The following LYRM2 variants were observed in gnomAD, a reference collection of about 807,000 sequenced individuals.
The protein encoded by LYRM2 is LYR motif containing 2, also known as LYR motif-containing protein 2.
LYRM2 carries 8 observed loss-of-function variants against 11.6 expected under a neutral mutation model. That is an observed-to-expected ratio of 0.69 (90% CI 0.40 to 1.24). The LOEUF (loss-of-function observed/expected upper bound fraction) is 1.24. Among genes scored for constraint, LYRM2 ranks in the 50% most tolerant of loss-of-function variants. The pLI, the probability that LYRM2 is intolerant of heterozygous loss-of-function variation, is 0.01. For missense variants in LYRM2, 117 were observed against 102.9 expected (o/e 1.14, Z -0.59); for synonymous variants, 30 against 36.4 (o/e 0.83, Z 0.63).
chr6:89,637,009 A>G lies in LYRM2; in HGVS notation c.*264T>C, dbSNP rs1401285781. 3.2e-6 allele frequency: 1 copy of G among 308,000 alleles called. No individual in the cohort carries two copies. Among genetic ancestry groups the G allele is most frequent in the African/African-American group, 2.2e-5 (1 of 45,708 alleles). The allele number at this position is 308,000 out of a possible 1,614,324, so 19.1% of individuals were successfully genotyped here. A position where few individuals can be genotyped will look rare whatever the true frequency, so the allele number is the denominator to read the frequency against. ...TAGTAGTTTTGATTTACACTTCCCT[A>G]ATGATTGTGTCCAGCATCTACTGGC... On this transcript the variant is annotated 3_prime_UTR_variant, in exon 3 of 3. Coordinates refer to ENST00000523377, the MANE Select transcript of LYRM2 (RefSeq NM_020466.5).
intron 2 of LYRM2, 49 bp from the exon 3 acceptor site, chr6:89,637,402 G>A (rs761369181): frequency 3.8e-5 from 45 of 1,187,688 alleles, no homozygotes; most frequent in Admixed American, 1.1e-4. Flanking sequence ...GTTAAACAAG[G>A]TATAGCTATA....
intron 1 of LYRM2, 124 bp downstream of exon 1, chr6:89,638,548 C>A: frequency 6.3e-7 from 1 of 1,585,838 alleles, no homozygotes; most frequent in South Asian, 1.1e-5. Flanking sequence ...GGCATCGGGC[C>A]AATCTCAGAG....
Position 89,637,052 on chromosome 6 carries a change from TTTC to T in LYRM2, c.*218_*220del, listed in dbSNP as rs200629875. ...CTACTGGCCATTTGTTAGTGGTTTT[TTTC>T]TTCTTTTAAGAACTGCTGAGACATC... On this transcript the variant is annotated 3_prime_UTR_variant, in exon 3 of 3. Transcript: ENST00000523377. 13,235 of 414,258 alleles carry T rather than the reference TTTC, an allele frequency of 0.032. 292 individuals are homozygous for T. Among genetic ancestry groups the T allele is most frequent in the Middle Eastern group, 0.065 (101 of 1,550 alleles). The allele number at this position is 414,258 out of a possible 1,614,324, so 25.7% of individuals were successfully genotyped here.
chr6:89,638,529 C>T, intron 1 of LYRM2, 143 bp downstream of exon 1: 5 of 1,557,850 alleles, frequency 3.2e-6, no homozygotes, highest in Non-Finnish European at 4.4e-6. Context: ...AGCGAAGCAC[C>T]GCCCCGCAGG....
rs1325448744 is a variant in LYRM2 at position 89,635,482 on chromosome 6, G to A, written c.*1791C>T. On this transcript the variant is annotated 3_prime_UTR_variant, in exon 3 of 3. Coordinates refer to ENST00000523377, the MANE Select transcript of LYRM2 (RefSeq NM_020466.5). The stretch of plus-strand genomic sequence containing the variant: ...GGCTCTGAGGCTCTGGGAGGTAGAG[G>A]TGGACCCTGACAGTCCAGGTCATTA... The A allele has an allele frequency of 6.6e-6, 1 of 152,310 alleles. No individual in the cohort carries two copies. Among genetic ancestry groups the A allele is most frequent in the Non-Finnish European group, 1.5e-5 (1 of 68,060 alleles). The allele number at this position is 152,310 out of a possible 1,614,324, so 9.4% of individuals were successfully genotyped here. A position where few individuals can be genotyped will look rare whatever the true frequency, so the allele number is the denominator to read the frequency against.
intron 1 of LYRM2, chr6:89,638,317 G>A (rs1434111347): frequency 8.4e-7 from 1 of 1,185,096 alleles, no homozygotes; most frequent in African/African-American, 1.6e-5. Context: ...TTATTACAAC[G>A]ACAGCACTTT....
At position 89,637,861 on chromosome 6, in the gene LYRM2, G is replaced by C; in HGVS notation, c.67C>G (p.Leu23Val). 6.2e-7 allele frequency: 1 copy of C among 1,613,960 alleles called. No homozygotes were observed. The highest frequency in any genetic ancestry group is 8.5e-7 in the Non-Finnish European group (1 of 1,179,908). Residue 23 changes from leucine to valine, a missense_variant, in exon 2 of 3, where the codon CTT becomes GTT. Transcript: ENST00000523377. ...TGCAAAATCCTTCTGTAGAGGAGAA[G>C]AACTTGTTGCCTTCTTACGAACTGT... ...LKQFVRRQQV[L>V]LLYRRILQTI... is the part of the protein sequence containing the mutation.
rs1245959387 is a variant in LYRM2 at position 89,637,528 on chromosome 6, G to A, written c.187-175C>T. On this transcript the variant is annotated intron_variant, in intron 2 of 2. Coordinates refer to ENST00000523377, the MANE Select transcript of LYRM2 (RefSeq NM_020466.5). ...AAAATGTACAACATAAAAGTCAAGT[G>A]ATGATGCTGAAGAGTGTAGATACTC... Among the ~76,000 whole-genome samples, 4 of 152,132 alleles carry A rather than the reference G, an allele frequency of 2.6e-5. No individual in the cohort carries two copies. In the South Asian group the frequency reaches 6.2e-4, roughly 24 times the overall value.
Position 89,633,356 on chromosome 6 carries a change from A to AACTT in LYRM2, c.*3913_*3916dup, listed in dbSNP as rs1807774687. 6.6e-6 allele frequency: 1 copy of AACTT among 152,204 alleles called. No individual in the cohort carries two copies. Among genetic ancestry groups the AACTT allele is most frequent in the African/African-American group, 2.4e-5 (1 of 41,446 alleles). The allele number at this position is 152,204 out of a possible 1,614,324, so 9.4% of individuals were successfully genotyped here. On this transcript the variant is annotated 3_prime_UTR_variant, in exon 3 of 3. Coordinates refer to ENST00000523377, the MANE Select transcript of LYRM2 (RefSeq NM_020466.5). ...GTTTTTGATCCTTGGCATTGTCAAA[A>AACTT]ACTTAACTGCAGGTCCAGTGTATAT...
Position 89,634,294 on chromosome 6 carries a change from T to C in LYRM2, c.*2979A>G, listed in dbSNP as rs557682234. On this transcript the variant is annotated 3_prime_UTR_variant, in exon 3 of 3. Transcript: ENST00000523377. ...AACATACATTTCTTATTTGTAATTT[T>C]ATTTAAGGAGAAATACTCTTTCCCT... is the stretch of plus-strand genomic sequence containing the variant. 5.3e-5 allele frequency: 8 copies of C among 152,342 alleles called. No individual in the cohort carries two copies. The highest frequency in any genetic ancestry group is 1.7e-4 in the African/African-American group (7 of 41,586). 9.4% of individuals were successfully genotyped at this position (152,342 alleles called of 1,614,324 possible).
intron 2 of LYRM2, 94 bp from the exon 3 acceptor site, chr6:89,637,447 C>G (rs1387614513): frequency 1.3e-6 from 1 of 773,514 alleles, no homozygotes; most frequent in African/African-American, 1.8e-5. Context: ...ACCAATACTA[C>G]CTATTGGAAC....
rs767494681 is a variant in LYRM2 at position 89,638,705 on chromosome 6, G to A, written c.12C>T (p.Ser4=). 8.7e-6 allele frequency: 14 copies of A among 1,614,106 alleles called. No individual in the cohort carries two copies. The South Asian group carries it at 1.1e-4, about 13-fold the overall frequency. Residue 4 remains serine (S), a synonymous_variant, in exon 1 of 3, where the codon TCC becomes TCT. Transcript: ENST00000523377. MAA[S]RLPPATLTLK... is the part of the protein sequence containing the mutation. ...ACGTTAGCGTCGCTGGGGGTAAGCGGGAAGCAGCCATGTCCACCAGAGGTC... is the reference window on the plus strand; with the variant it reads ...ACGTTAGCGTCGCTGGGGGTAAGCGAGAAGCAGCCATGTCCACCAGAGGTC...
chr6:89,638,630 G>C (rs1340631214), intron 1 of LYRM2, 42 bp downstream of exon 1: 4 of 1,613,272 alleles, frequency 2.5e-6, no homozygotes, highest in Non-Finnish European at 3.4e-6. Flanking sequence ...ATCCAGCTCA[G>C]ACCCAGGTAA....
rs558995957 is a variant in LYRM2, at chr6:89,638,709, G to A, written c.8C>T (p.Ala3Val). MA[A>V]SRLPPATLTL... ...TAGCGTCGCTGGGGGTAAGCGGGAA[G>A]CAGCCATGTCCACCAGAGGTCCGCC... Residue 3 changes from alanine (A) to valine (V), a missense_variant, in exon 1 of 3, where the codon GCT becomes GTT. Transcript: ENST00000523377. 2 of 1,614,076 alleles carry A rather than the reference G, an allele frequency of 1.2e-6. No individual in the cohort carries two copies. Among genetic ancestry groups the A allele is most frequent in the South Asian group, 1.1e-5 (1 of 91,086 alleles).
chr6:89,637,987 A>G lies in LYRM2; in HGVS notation c.46-105T>C, dbSNP rs755622318. Reference sequence around the variant, plus strand: ...TAACCAGAGTACTTCTCGTTGGTCAATTTTGAAAAAGGCAAAGAAAAACTT... The same window carrying G: ...TAACCAGAGTACTTCTCGTTGGTCAGTTTTGAAAAAGGCAAAGAAAAACTT... On this transcript the variant is annotated intron_variant, in intron 1 of 2. Coordinates refer to ENST00000523377, the MANE Select transcript of LYRM2 (RefSeq NM_020466.5). 133 of 1,228,166 alleles carry G rather than the reference A, an allele frequency of 1.1e-4. No homozygotes were observed. The Middle Eastern group carries it at 1.4e-3, about 13-fold the overall frequency. The allele number at this position is 1,228,166 out of a possible 1,614,324, so 76.1% of individuals were successfully genotyped here. A position where few individuals can be genotyped will look rare whatever the true frequency, so the allele number is the denominator to read the frequency against.
In LYRM2 at chr6:89,634,969, C is replaced by T. The variant is rs1357125151; in HGVS notation, c.*2304G>A. 2 of 151,916 alleles carry T rather than the reference C, an allele frequency of 1.3e-5. No individual in the cohort carries two copies. The highest frequency in any genetic ancestry group is 2.4e-5 in the African/African-American group (1 of 41,336). 9.4% of individuals were successfully genotyped at this position (151,916 alleles called of 1,614,324 possible). ...GGCTAGCTAGTGGCCTAGCTAGTCTCGAAATCCTGACCTAAAGTGATCCAC... is the reference window on the plus strand; with the variant it reads ...GGCTAGCTAGTGGCCTAGCTAGTCTTGAAATCCTGACCTAAAGTGATCCAC... On this transcript the variant is annotated 3_prime_UTR_variant, in exon 3 of 3. Transcript: ENST00000523377.
intron 2 of LYRM2, 63 bp from the exon 3 acceptor site, chr6:89,637,416 T>C (rs1808037064): frequency 7.5e-6 from 8 of 1,070,206 alleles, no homozygotes; most frequent in Non-Finnish European, 9.7e-6. Flanking sequence ...AGCTATACCA[T>C]TTTATCTGTT....
At position 89,632,238 on chromosome 6, in the gene LYRM2, A is replaced by G. The variant is rs1807540745; in HGVS notation, c.*5035T>C. ...AATGCTGCTCATTGAGCCAAAGAGA[A>G]GAAATGATTTATTAACATGGGGACA... On this transcript the variant is annotated 3_prime_UTR_variant, in exon 3 of 3. Transcript: ENST00000523377. 6.6e-6 allele frequency: 1 copy of G among 152,252 alleles called. No homozygotes were observed. Among genetic ancestry groups the G allele is most frequent in the Non-Finnish European group, 1.5e-5 (1 of 68,046 alleles). The allele number at this position is 152,252 out of a possible 1,614,324, so 9.4% of individuals were successfully genotyped here. A position where few individuals can be genotyped will look rare whatever the true frequency, so the allele number is the denominator to read the frequency against.
Position 89,636,975 on chromosome 6 carries a change from C to T in LYRM2, c.*298G>A. On this transcript the variant is annotated 3_prime_UTR_variant, in exon 3 of 3. Transcript: ENST00000523377. The stretch of plus-strand genomic sequence containing the variant: ...GGATTACAAGCATGAGCCACTACAC[C>T]CGACCTCATAGTAGTTTTGATTTAC... 1 of 225,782 alleles carries T rather than the reference C, an allele frequency of 4.4e-6. No homozygotes were observed. Among genetic ancestry groups the T allele is most frequent in the South Asian group, 6.9e-5 (1 of 14,408 alleles). 14.0% of individuals were successfully genotyped at this position (225,782 alleles called of 1,614,324 possible).
Sources: gnomAD v4.1 joint callset for allele counts (sites outside exome capture counted in the v4.1 genomes callset) on GRCh38, gnomAD v4.1.1 for gene constraint, MANE v1.5 for transcripts, NCBI Gene and HGNC (gene_info 2026-07-23, HGNC 2026-07-21) for gene names.